The following MSI2 variants were observed in gnomAD, a reference collection of about 807,000 sequenced individuals.
MSI2 encodes the protein RNA-binding protein Musashi homolog 2.
MSI2 carries 17 observed loss-of-function variants against 45.6 expected under a neutral mutation model. The ratio of observed to expected loss-of-function variants is 0.37; its 90% CI spans 0.26 to 0.56. The LOEUF is 0.56. MSI2 is among the 20% of genes least tolerant of loss of function. The probability of loss-of-function intolerance (pLI) is 0.77; values close to 1 mark genes in which losing one functional copy is unlikely to be tolerated. For synonymous variants in MSI2, 156 were observed against 158.2 expected (o/e 0.99, Z 0.11); for missense variants, 293 against 444.2 (o/e 0.66, Z 3.06).
intron 5 of MSI2, among the ~76,000 whole-genome samples, chr17:57,395,413 G>A (rs2083870774): frequency 6.6e-6 from 1 of 152,190 alleles, no homozygotes; most frequent in Non-Finnish European, 1.5e-5. Flanking sequence ...GACTTTGCAA[G>A]CTAAGTAAGT....
At chr17:57,632,953 T>C (rs1823634035) in intron 10 of MSI2, 2 of 1,053,992 alleles carry the variant, frequency 1.9e-6, no homozygotes. Flanking sequence ...ATGAGTATTA[T>C]TTTTTTCAAA....
intron 5 of MSI2, among the ~76,000 whole-genome samples, chr17:57,303,462 T>C (rs980067858): frequency 2.0e-5 from 3 of 152,176 alleles, no homozygotes; most frequent in Non-Finnish European, 4.4e-5. Flanking sequence ...GAGGCTAACA[T>C]TGTGTTTCTG....
chr17:57,378,212 G>T (rs537720833), intron 5 of MSI2, among the ~76,000 whole-genome samples: 2 of 152,170 alleles, frequency 1.3e-5, no homozygotes, highest in South Asian at 4.2e-4. Flanking sequence ...AGCCTCCTGA[G>T]TATCTGGGAT....
chr17:57,276,782 T>C (rs1244085542), intron 5 of MSI2, among the ~76,000 whole-genome samples: 1 of 152,152 alleles, frequency 6.6e-6, no homozygotes, highest in African/African-American at 2.4e-5. Flanking sequence ...CGCTAGAATT[T>C]CTCTGAGGCA....
At chr17:57,655,536 G>A (rs898780014) in intron 11 of MSI2, among the ~76,000 whole-genome samples, 1 of 130,504 alleles carries the variant, frequency 7.7e-6, no homozygotes, top group African/African-American at 2.9e-5. Flanking sequence ...ACCCCTTACT[G>A]TACTTTATAC....
At chr17:57,581,936 C>T (rs556279711) in intron 7 of MSI2, among the ~76,000 whole-genome samples, 6 of 152,268 alleles carry the variant, frequency 3.9e-5, no homozygotes, top group African/African-American at 1.4e-4. Flanking sequence ...TTTATTGAGA[C>T]GAGTTCAGGT....
intron 5 of MSI2, among the ~76,000 whole-genome samples, chr17:57,335,151 C>T (rs548871250): frequency 5.3e-5 from 8 of 152,188 alleles, no homozygotes; most frequent in South Asian, 2.1e-4. Flanking sequence ...GGTGTCTTCC[C>T]GAACCCCAGC....
intron 10 of MSI2, among the ~76,000 whole-genome samples, chr17:57,639,229 T>A (rs1352327144): frequency 6.6e-6 from 1 of 152,072 alleles, no homozygotes; most frequent in Non-Finnish European, 1.5e-5. Context: ...GCGGGCAACA[T>A]CCGAGCCGAG....
chr17:57,560,785 G>A (rs943014323), intron 7 of MSI2, among the ~76,000 whole-genome samples: 1 of 152,248 alleles, frequency 6.6e-6, no homozygotes, highest in Admixed American at 6.5e-5. Context: ...TCGCAGCTCA[G>A]TAAAGGCGGT....
chr17:57,318,250 G>T (rs759735033), intron 5 of MSI2, among the ~76,000 whole-genome samples: 1 of 152,170 alleles, frequency 6.6e-6, no homozygotes, highest in Non-Finnish European at 1.5e-5. Flanking sequence ...GGAAGAGGAG[G>T]ACCATAGAGG....
intron 7 of MSI2, among the ~76,000 whole-genome samples, chr17:57,531,355 G>A (rs556480415): frequency 1.3e-5 from 2 of 152,310 alleles, no homozygotes; most frequent in East Asian, 3.9e-4. Context: ...AGTCAATTGT[G>A]CGTAAATGTT....
At chr17:57,286,093 TTTTC>T (rs1465576854) in intron 5 of MSI2, 38 of 989,884 alleles carry the variant, frequency 3.8e-5, no homozygotes, top group East Asian at 2.3e-4. Flanking sequence ...CTTCTTTATT[TTTTC>T]TTTCTTTCTT....
chr17:57,362,877 A>C (rs559639259), intron 5 of MSI2, among the ~76,000 whole-genome samples: 1 of 152,232 alleles, frequency 6.6e-6, no homozygotes, highest in African/African-American at 2.4e-5. Context: ...TCCATTTAAA[A>C]ATGAAGGCTG....
intron 10 of MSI2, among the ~76,000 whole-genome samples, chr17:57,642,447 C>T (rs1333749745): frequency 6.6e-6 from 1 of 152,162 alleles, no homozygotes; most frequent in Non-Finnish European, 1.5e-5. Context: ...GCTAGAAGAC[C>T]CTAGAGCAGA....
At chr17:57,662,768 C>T (rs773807630) in intron 11 of MSI2, among the ~76,000 whole-genome samples, 5 of 152,138 alleles carry the variant, frequency 3.3e-5, no homozygotes, top group Non-Finnish European at 7.4e-5. Context: ...CCTCAGGAGG[C>T]GGTATAAGTA....
In MSI2 at chr17:57,338,087, TTTTG is replaced by T. The variant is rs1914822167; in HGVS notation, c.313-63288_313-63285del. Among the ~76,000 whole-genome samples the T allele has an allele frequency of 7.9e-5, 12 of 152,288 alleles. No homozygotes were observed. The South Asian group carries it at 2.5e-3, about 32-fold the overall frequency. On this transcript the variant is annotated intron_variant, in intron 5 of 13. Transcript: ENST00000284073. Reference sequence around the variant, plus strand: ...AAGGACGAGATTTGTATGGGTTTTATTTTGTTTTTTATTTATTTTTGAGACAGAG... The same window carrying T: ...AAGGACGAGATTTGTATGGGTTTTATTTTTTTATTTATTTTTGAGACAGAG...
chr17:57,421,524 C>T (rs756196471), intron 6 of MSI2, among the ~76,000 whole-genome samples: 4 of 144,634 alleles, frequency 2.8e-5, no homozygotes, highest in Non-Finnish European at 4.6e-5. Context: ...CTCCCTCTGT[C>T]CCTCCTCCCC....
At chr17:57,698,844 TTGTTC>T in the MSI2 span, among the ~76,000 whole-genome samples, 2 of 151,920 alleles carry the variant, frequency 1.3e-5, no homozygotes, top group African/African-American at 4.8e-5. Flanking sequence ...TCAGAGGCAA[TTGTTC>T]TCTTCAGTTT....
At chr17:57,632,525 C>T in intron 10 of MSI2, 1 of 1,067,156 alleles carries the variant, frequency 9.4e-7, no homozygotes. Context: ...CCCCAGCTCG[C>T]CTCCCTGCCT....
Sources: gnomAD v4.1 joint callset for allele counts (sites outside exome capture counted in the v4.1 genomes callset) on GRCh38, gnomAD v4.1.1 for gene constraint, MANE v1.5 for transcripts, NCBI Gene and HGNC (gene_info 2026-07-23, HGNC 2026-07-21) for gene names.